GLIS3: variants seen among roughly 807,000 people sequenced by gnomAD.
The protein encoded by GLIS3 is zinc finger protein GLIS3.
In GLIS3, 53 loss-of-function variants were observed where a neutral mutation model predicts 78.6. The observed-to-expected ratio is 0.67, with a 90% CI of 0.54 to 0.85. The LOEUF is 0.85. Ranked by LOEUF, GLIS3 falls within the 40% of genes least tolerant of loss-of-function variation. The pLI, the probability that GLIS3 is intolerant of heterozygous loss-of-function variation, is 0.00. For synonymous variants in GLIS3, 684 were observed against 509.9 expected (o/e 1.34, Z -4.60); for missense variants, 1,703 against 1,231.1 (o/e 1.38, Z -5.74).
In GLIS3 at chr9:4,060,013, T is replaced by C. The variant is rs564323562; in HGVS notation, c.1710+57755A>G. Among the ~76,000 whole-genome samples the C allele has an allele frequency of 3.9e-5, 6 of 152,284 alleles. No homozygotes were observed. In the South Asian group the frequency reaches 1.0e-3, roughly 26 times the overall value. ...GAACCTTACCCCTACTTTTAAGGCA[T>C]GTTGAATTCCGAATGCATCCTTCCT... is the stretch of plus-strand genomic sequence containing the variant. On this transcript the variant is annotated intron_variant, in intron 4 of 10. Coordinates refer to ENST00000381971, the MANE Select transcript of GLIS3 (RefSeq NM_001042413.2).
intron 4 of GLIS3, among the ~76,000 whole-genome samples, chr9:4,048,766 C>T (rs941961170): frequency 1.3e-4 from 20 of 152,200 alleles, no homozygotes; most frequent in African/African-American, 4.8e-4. Context: ...AGCCACCCAT[C>T]AGGTGACTAG....
At chr9:4,298,489 T>G in intron 1 of GLIS3, 13 of 443,398 alleles carry the variant, frequency 2.9e-5, no homozygotes, top group South Asian at 2.1e-4. Flanking sequence ...AGTGAGTAAC[T>G]TGGAACTGTC....
the GLIS3 span, among the ~76,000 whole-genome samples, chr9:4,439,206 A>G: frequency 6.6e-6 from 1 of 152,164 alleles, no homozygotes; most frequent in Non-Finnish European, 1.5e-5. Context: ...TCCAAAAGCC[A>G]TAATTTTTTC....
At chr9:4,281,328 C>G (rs1384960001) in intron 2 of GLIS3, among the ~76,000 whole-genome samples, 1 of 152,124 alleles carries the variant, frequency 6.6e-6, no homozygotes, top group East Asian at 1.9e-4. Context: ...GTATACAGTT[C>G]GGTGGCATTA....
At chr9:4,058,968 C>G (rs1032431169) in intron 4 of GLIS3, among the ~76,000 whole-genome samples, 6 of 146,340 alleles carry the variant, frequency 4.1e-5, no homozygotes, top group Non-Finnish European at 9.0e-5. Flanking sequence ...GGCCACAGAG[C>G]AAGACTCCAT....
intron 4 of GLIS3, among the ~76,000 whole-genome samples, chr9:4,016,904 T>C (rs1422945499): frequency 2.0e-5 from 3 of 152,158 alleles, no homozygotes; most frequent in African/African-American, 7.2e-5. Context: ...AAGGAACTGC[T>C]GAGGTCTCAC....
intron 8 of GLIS3, among the ~76,000 whole-genome samples, chr9:3,856,783 C>T (rs991290414): frequency 2.0e-5 from 3 of 152,118 alleles, no homozygotes; most frequent in Non-Finnish European, 2.9e-5. Context: ...GCGTGGGCTC[C>T]GTGCTTGGCA....
At chr9:4,129,892 GC>G (rs1354428779) in intron 2 of GLIS3, among the ~76,000 whole-genome samples, 1 of 152,150 alleles carries the variant, frequency 6.6e-6, no homozygotes, top group African/African-American at 2.4e-5. Context: ...CCTAGAGACT[GC>G]CCGAATTATG....
chr9:4,362,346 T>C, the GLIS3 span, among the ~76,000 whole-genome samples: 1 of 152,246 alleles, frequency 6.6e-6, no homozygotes, highest in Non-Finnish European at 1.5e-5. Context: ...GACTGGCTTG[T>C]GCACAACTGG....
chr9:3,952,635 G>C (rs550363847), intron 4 of GLIS3, among the ~76,000 whole-genome samples: 1 of 152,166 alleles, frequency 6.6e-6, no homozygotes, highest in South Asian at 2.1e-4. Context: ...AATAATAATG[G>C]GTCAGATTAT....
At chr9:4,367,110 A>G in the GLIS3 span, among the ~76,000 whole-genome samples, 1 of 152,220 alleles carries the variant, frequency 6.6e-6, no homozygotes, top group East Asian at 1.9e-4. Context: ...CAAAAATCAT[A>G]TTACTCAAAC....
chr9:4,127,920 G>A (rs977938472), intron 2 of GLIS3, among the ~76,000 whole-genome samples: 16 of 152,128 alleles, frequency 1.1e-4, no homozygotes, highest in African/African-American at 3.6e-4. Flanking sequence ...ACTACTTGAT[G>A]GCAAAACATA....
Position 3,899,904 on chromosome 9 carries a change from G to T in GLIS3, c.1984-1069C>A, listed in dbSNP as rs940311643. Among the ~76,000 whole-genome samples, 5 of 152,190 alleles carry T rather than the reference G, an allele frequency of 3.3e-5. 1 individual carries two copies. The highest frequency in any genetic ancestry group is 7.3e-5 in the Non-Finnish European group (5 of 68,032). ...GGAGAAAAGTGATGCGGAGAAGCGA[G>T]ACAGTGAGTAGGAATAAGGGGTGGC... On this transcript the variant is annotated intron_variant, in intron 6 of 10. Transcript: ENST00000381971.
intron 2 of GLIS3, among the ~76,000 whole-genome samples, chr9:4,236,329 GTC>G (rs886425772): frequency 6.6e-5 from 10 of 152,058 alleles, no homozygotes; most frequent in Non-Finnish European, 1.3e-4. Flanking sequence ...ACATCAGTAC[GTC>G]TCCTTCACTT....
At chr9:4,383,837 A>C in the GLIS3 span, among the ~76,000 whole-genome samples, 1 of 152,168 alleles carries the variant, frequency 6.6e-6, no homozygotes, top group African/African-American at 2.4e-5. Context: ...ATTAAGAGGG[A>C]GGTATTGAAT....
chr9:4,447,869 T>A, the GLIS3 span, among the ~76,000 whole-genome samples: 1 of 152,214 alleles, frequency 6.6e-6, no homozygotes, highest in African/African-American at 2.4e-5. Flanking sequence ...TTTTTCTGGT[T>A]CCCTTTTACA....
intron 9 of GLIS3, among the ~76,000 whole-genome samples, chr9:3,832,689 G>A (rs537135052): frequency 2.0e-4 from 30 of 152,268 alleles, no homozygotes; most frequent in African/African-American, 6.7e-4. Context: ...AGCATAAACC[G>A]CCATGGTTGG....
chr9:4,135,838 C>A (rs688765), intron 2 of GLIS3, among the ~76,000 whole-genome samples: 1 of 152,154 alleles, frequency 6.6e-6, no homozygotes, highest in Non-Finnish European at 1.5e-5. Context: ...CAAATTCTCT[C>A]ACCTTTCATG....
intron 2 of GLIS3, among the ~76,000 whole-genome samples, chr9:4,188,840 A>T (rs1416486245): frequency 1.3e-5 from 2 of 151,944 alleles, no homozygotes; most frequent in Admixed American, 6.6e-5. Context: ...ATCGGTGGTG[A>T]TATCTCCTTT....
Sources: allele counts gnomAD v4.1 joint callset (sites outside exome capture counted in the v4.1 genomes callset), GRCh38; gene constraint gnomAD v4.1.1; transcripts MANE v1.5; gene names NCBI Gene and HGNC (gene_info 2026-07-23, HGNC 2026-07-21).